The following RAB3C variants were observed in gnomAD, a reference collection of about 807,000 sequenced individuals.
RAB3C encodes the protein ras-related protein Rab-3C.
RAB3C carries 17 observed loss-of-function variants against 26.4 expected under a neutral mutation model. The observed-to-expected ratio is 0.64, with a 90% CI of 0.44 to 0.97. The LOEUF (loss-of-function observed/expected upper bound fraction) is 0.97, where lower values mean the gene tolerates loss of function less well. Ranked by LOEUF, RAB3C falls within the 50% of genes least tolerant of loss-of-function variation. RAB3C has a pLI of 0.00. For synonymous variants in RAB3C, 91 were observed against 95.9 expected, an observed-to-expected ratio of 0.95 and a Z score of 0.30; for missense variants, 242 against 281.9, an observed-to-expected ratio of 0.86 and a Z score of 1.01.
intron 3 of RAB3C, among the ~76,000 whole-genome samples, chr5:58,813,780 T>C (rs1579933443): frequency 1.4e-5 from 1 of 70,122 alleles, no homozygotes; most frequent in South Asian, 3.8e-4. Flanking sequence ...ATTCAGTGAA[T>C]GCACACATAC....
chr5:58,637,582 A>C (rs1747315999), intron 2 of RAB3C, among the ~76,000 whole-genome samples: 1 of 152,190 alleles, frequency 6.6e-6, no homozygotes, highest in African/African-American at 2.4e-5. Context: ...TGAAAGATAA[A>C]AATTTTTAAA....
chr5:58,818,764 C>A (rs1050244153), intron 3 of RAB3C, among the ~76,000 whole-genome samples: 3 of 152,154 alleles, frequency 2.0e-5, no homozygotes, highest in East Asian at 3.8e-4. Flanking sequence ...CTCTACCCAA[C>A]AAAGAAATAA....
chr5:58,811,365 A>ATG (rs1201619166), intron 3 of RAB3C, among the ~76,000 whole-genome samples: 6 of 148,358 alleles, frequency 4.0e-5, no homozygotes, highest in Non-Finnish European at 6.1e-5. Context: ...ATGTGTGTGT[A>ATG]TGTGTGTGTG....
In RAB3C at chr5:58,693,336, G is replaced by GTATGTATATATATA. The variant is rs1341115094; in HGVS notation, c.253-32663_253-32662insGTATATATATATAT. On this transcript the variant is annotated intron_variant, in intron 2 of 4. Transcript: ENST00000282878. ...AAATTAAGAAATTATATATATATGT[G>GTATGTATATATATA]TATATATATATATATATATATATAT... Among the ~76,000 whole-genome samples, 98 of 111,740 alleles carry GTATGTATATATATA rather than the reference G, an allele frequency of 8.8e-4. 4 individuals carry two copies. Among genetic ancestry groups the GTATGTATATATATA allele is most frequent in the African/African-American group, 2.7e-3 (72 of 26,818 alleles). 73.3% of individuals were successfully genotyped at this position (111,740 alleles called of 152,430 possible).
At chr5:58,655,789 C>CTTTTTTTTTT (rs34352086) in intron 2 of RAB3C, among the ~76,000 whole-genome samples, 1 of 91,604 alleles carries the variant, frequency 1.1e-5, no homozygotes, top group African/African-American at 4.3e-5. Flanking sequence ...AAACCTAACT[C>CTTTTTTTTTT]TTTTTTTTTT....
chr5:58,583,409 A>G lies in RAB3C; in HGVS notation c.24+177A>G, dbSNP rs1745947122. On this transcript the variant is annotated intron_variant, in intron 1 of 4. Coordinates refer to ENST00000282878, the MANE Select transcript of RAB3C (RefSeq NM_138453.4). ...TTTCTTTACGCTCTGTGTGGCTGTG[A>G]TTGGGGCTGTCTTGATGAGGGATCG... The G allele has an allele frequency of 3.3e-6, 3 of 915,164 alleles. No homozygotes were observed. The South Asian group carries it at 1.5e-4, about 46-fold the overall frequency. 56.7% of individuals were successfully genotyped at this position (915,164 alleles called of 1,614,324 possible).
rs572476064 is a variant in RAB3C at position 58,605,141 on chromosome 5, G to T, written c.25-12502G>T. ...AGGGCCTCCCTTTCTCACTTCTACAGTTGGGGCACTCACAGTATTTGGGGT... is the reference window on the plus strand; with the variant it reads ...AGGGCCTCCCTTTCTCACTTCTACATTTGGGGCACTCACAGTATTTGGGGT... On this transcript the variant is annotated intron_variant, in intron 1 of 4. Transcript: ENST00000282878. 4.9e-4 allele frequency among the ~76,000 whole-genome samples: 74 copies of T among 152,276 alleles called. 1 individual carries two copies. Among genetic ancestry groups the T allele is most frequent in the African/African-American group, 1.8e-3 (73 of 41,552 alleles).
At position 58,589,185 on chromosome 5, in the gene RAB3C, A is replaced by T. The variant is rs1328615544; in HGVS notation, c.24+5953A>T. 2.0e-5 allele frequency among the ~76,000 whole-genome samples: 3 copies of T among 152,180 alleles called. No individual in the cohort carries two copies. The East Asian group carries it at 5.8e-4, about 29-fold the overall frequency. On this transcript the variant is annotated intron_variant, in intron 1 of 4. Transcript: ENST00000282878. ...TGCTTGTTCTACATCTATTGATGTG[A>T]TTGTGTGGTTTATCTACTTTATTTT...
At chr5:58,604,621 G>A (rs1448898434) in intron 1 of RAB3C, among the ~76,000 whole-genome samples, 1 of 152,192 alleles carries the variant, frequency 6.6e-6, no homozygotes, top group Non-Finnish European at 1.5e-5. Context: ...CCCAGCTCCT[G>A]TGCAAACTGA....
chr5:58,654,256 A>G (rs1232926405), intron 2 of RAB3C, among the ~76,000 whole-genome samples: 2 of 152,186 alleles, frequency 1.3e-5, no homozygotes, highest in Non-Finnish European at 2.9e-5. Context: ...AATGTACCCA[A>G]GGGAAATCAT....
At chr5:58,827,769 C>T (rs1435653972) in intron 4 of RAB3C, among the ~76,000 whole-genome samples, 1 of 152,150 alleles carries the variant, frequency 6.6e-6, no homozygotes, top group African/African-American at 2.4e-5. Flanking sequence ...TTTAATGTGG[C>T]TTGTTCTCCT....
intron 3 of RAB3C, among the ~76,000 whole-genome samples, chr5:58,748,595 T>G (rs1464637049): frequency 4.0e-5 from 6 of 150,818 alleles, no homozygotes; most frequent in Non-Finnish European, 5.9e-5. Context: ...GTCCCATGGG[T>G]GTGTGTGTGT....
intron 2 of RAB3C, among the ~76,000 whole-genome samples, chr5:58,720,069 C>T (rs1448010295): frequency 2.0e-5 from 3 of 151,914 alleles, no homozygotes; most frequent in African/African-American, 7.2e-5. Context: ...ACAGCAGAAA[C>T]TGAATTGAGG....
At chr5:58,696,541 C>T (rs993871926) in intron 2 of RAB3C, among the ~76,000 whole-genome samples, 5 of 152,226 alleles carry the variant, frequency 3.3e-5, no homozygotes, top group Non-Finnish European at 7.4e-5. Context: ...GCTGTGAATC[C>T]GTCTGGTCCT....
chr5:58,813,621 T>C (rs1437829436), intron 3 of RAB3C, among the ~76,000 whole-genome samples: 2 of 86,786 alleles, frequency 2.3e-5, no homozygotes, highest in Non-Finnish European at 4.4e-5. Flanking sequence ...TATATATATA[T>C]ATATATATAT....
intron 3 of RAB3C, among the ~76,000 whole-genome samples, chr5:58,818,553 G>A (rs1231508598): frequency 6.6e-6 from 1 of 152,124 alleles, no homozygotes; most frequent in African/African-American, 2.4e-5. Flanking sequence ...AGGCTTTTTA[G>A]TAACTATGAT....
At chr5:58,775,962 C>T (rs1227487467) in intron 3 of RAB3C, among the ~76,000 whole-genome samples, 1 of 152,100 alleles carries the variant, frequency 6.6e-6, no homozygotes, top group Non-Finnish European at 1.5e-5. Context: ...TTCCTGTTGC[C>T]TGTCCCACAA....
intron 3 of RAB3C, among the ~76,000 whole-genome samples, chr5:58,767,532 T>C (rs769374981): frequency 6.5e-4 from 99 of 152,152 alleles, no homozygotes; most frequent in Non-Finnish European, 9.4e-4. Context: ...TACTGTACCA[T>C]AAATGCAAGA....
In RAB3C at chr5:58,668,776, C is replaced by T. The variant is rs149706863; in HGVS notation, c.252+50906C>T. 4.8e-3 allele frequency among the ~76,000 whole-genome samples: 729 copies of T among 152,082 alleles called. 6 individuals are homozygous for T. The highest frequency in any genetic ancestry group is 6.8e-3 in the Middle Eastern group (2 of 294). Reference sequence around the variant, plus strand: ...CCAAAAATAGAGTTAGGGGCTCCTACGTCTTAATTTCTAGTCACTCATGGT... The same window carrying T: ...CCAAAAATAGAGTTAGGGGCTCCTATGTCTTAATTTCTAGTCACTCATGGT... On this transcript the variant is annotated intron_variant, in intron 2 of 4. Coordinates refer to ENST00000282878, the MANE Select transcript of RAB3C (RefSeq NM_138453.4).
Sources: gnomAD v4.1 joint callset for allele counts (sites outside exome capture counted in the v4.1 genomes callset) on GRCh38, gnomAD v4.1.1 for gene constraint, MANE v1.5 for transcripts, NCBI Gene and HGNC (gene_info 2026-07-23, HGNC 2026-07-21) for gene names.